ITPR2: variants seen among roughly 807,000 people sequenced by gnomAD.
The protein encoded by ITPR2 is inositol 1,4,5-trisphosphate receptor type 2.
In ITPR2, 207 loss-of-function variants were observed where a neutral mutation model predicts 317.1. That is an observed-to-expected ratio of 0.65 (90% CI 0.58 to 0.73). ITPR2 has a LOEUF of 0.73. ITPR2 is among the 30% of genes least tolerant of loss of function. The pLI is 0.00. For missense variants in ITPR2, 2,613 were observed against 3,284.0 expected, an observed-to-expected ratio of 0.80 and a Z score of 4.99; for synonymous variants, 1,156 against 1,149.1, an observed-to-expected ratio of 1.01 and a Z score of -0.12.
intron 52 of ITPR2, among the ~76,000 whole-genome samples, chr12:26,405,391 AAAC>A (rs1418179103): frequency 1.3e-5 from 2 of 152,330 alleles, no homozygotes; most frequent in Middle Eastern, 3.4e-3. Context: ...TTAAAACAAT[AAAC>A]AAATTCTAAT....
chr12:26,391,552 TTTCC>T (rs1565501181), intron 54 of ITPR2, among the ~76,000 whole-genome samples: 31 of 63,544 alleles, frequency 4.9e-4, no homozygotes, highest in Non-Finnish European at 7.7e-4. Flanking sequence ...TTCTTCTTCT[TTTCC>T]TTTTTTTTTT....
intron 45 of ITPR2, among the ~76,000 whole-genome samples, chr12:26,470,587 A>G (rs2136808979): frequency 6.6e-6 from 1 of 152,350 alleles, no homozygotes; most frequent in East Asian, 1.9e-4. Flanking sequence ...CAAAAGATAT[A>G]AATCAAAATG....
chr12:26,671,146 C>A (rs951212691), intron 13 of ITPR2, among the ~76,000 whole-genome samples: 2 of 152,148 alleles, frequency 1.3e-5, no homozygotes, highest in Non-Finnish European at 2.9e-5. Context: ...TCCAGGAGAA[C>A]TTCCCCAATC....
intron 45 of ITPR2, among the ~76,000 whole-genome samples, chr12:26,469,901 A>T (rs1191442630): frequency 6.6e-6 from 1 of 152,166 alleles, no homozygotes; most frequent in Non-Finnish European, 1.5e-5. Flanking sequence ...AAGTTAGGAG[A>T]TTCCACATTT....
At chr12:26,643,971 T>C (rs936705313) in intron 21 of ITPR2, among the ~76,000 whole-genome samples, 1 of 152,196 alleles carries the variant, frequency 6.6e-6, no homozygotes, top group African/African-American at 2.4e-5. Flanking sequence ...AAGAGTTTAC[T>C]AGGGATCAGG....
intron 37 of ITPR2, among the ~76,000 whole-genome samples, chr12:26,544,058 C>T (rs755766494): frequency 1.1e-4 from 17 of 152,044 alleles, no homozygotes; most frequent in Non-Finnish European, 2.5e-4. Context: ...GTAATTTTCC[C>T]CTTAAAGACT....
intron 13 of ITPR2, among the ~76,000 whole-genome samples, chr12:26,676,755 T>C: frequency 6.6e-6 from 1 of 150,800 alleles, no homozygotes; most frequent in East Asian, 1.9e-4. Flanking sequence ...TGAAATAAGA[T>C]TAAAAAAATA....
intron 34 of ITPR2, among the ~76,000 whole-genome samples, chr12:26,564,845 C>G (rs1037416265): frequency 7.2e-5 from 11 of 152,158 alleles, no homozygotes; most frequent in Admixed American, 3.9e-4. Context: ...TTGTGAGACA[C>G]TAAAATTTCT....
intron 37 of ITPR2, among the ~76,000 whole-genome samples, chr12:26,544,746 A>C (rs1431136812): frequency 1.3e-5 from 2 of 151,750 alleles, no homozygotes; most frequent in African/African-American, 4.8e-5. Context: ...CGTGTGAAAA[A>C]CCCTGGTTTG....
At chr12:26,811,860 A>G (rs1480224542) in intron 1 of ITPR2, among the ~76,000 whole-genome samples, 1 of 147,268 alleles carries the variant, frequency 6.8e-6, no homozygotes, top group South Asian at 2.2e-4. Context: ...TCTGAAAAAA[A>G]AAAAAAAAAA....
chr12:26,825,818 C>T (rs182831451), intron 1 of ITPR2, among the ~76,000 whole-genome samples: 2 of 152,330 alleles, frequency 1.3e-5, no homozygotes, highest in Admixed American at 1.3e-4. Context: ...TCCACAACAT[C>T]ACACTTCTAA....
At chr12:26,393,486 G>A (rs941543748) in intron 54 of ITPR2, among the ~76,000 whole-genome samples, 11 of 152,166 alleles carry the variant, frequency 7.2e-5, no homozygotes. Context: ...GAAGGGAGCA[G>A]AAAATGTATA....
intron 45 of ITPR2, among the ~76,000 whole-genome samples, chr12:26,455,660 T>C (rs1028307212): frequency 2.0e-5 from 3 of 151,978 alleles, no homozygotes; most frequent in African/African-American, 7.3e-5. Context: ...AGAGAGGGCA[T>C]GAAAAGTAAG....
chr12:26,649,816 GATA>G (rs1947203148), intron 21 of ITPR2, among the ~76,000 whole-genome samples: 1 of 149,014 alleles, frequency 6.7e-6, no homozygotes, highest in South Asian at 2.1e-4. Flanking sequence ...TAGATAGATA[GATA>G]GATAGACAGA....
chr12:26,726,302 C>G (rs1948921538), intron 2 of ITPR2, among the ~76,000 whole-genome samples: 2 of 152,094 alleles, frequency 1.3e-5, no homozygotes, highest in South Asian at 4.1e-4. Context: ...TAAAGCAAAA[C>G]AAAACACCTA....
chr12:26,769,111 A>AT (rs1449078338), intron 2 of ITPR2, among the ~76,000 whole-genome samples: 1 of 152,078 alleles, frequency 6.6e-6, no homozygotes, highest in Non-Finnish European at 1.5e-5. Flanking sequence ...ATTTTCAGGC[A>AT]TAAGTCTCTC....
Position 26,421,019 on chromosome 12 carries a change from G to A in ITPR2, c.6946-1806C>T, listed in dbSNP as rs550572357. On this transcript the variant is annotated intron_variant, in intron 49 of 56. Transcript: ENST00000381340. Reference sequence around the variant, plus strand: ...TGGAGTCGTGAGTTTTCAGAAAGACGAATGATATGTTTAAGACACATTGTT... The same window carrying A: ...TGGAGTCGTGAGTTTTCAGAAAGACAAATGATATGTTTAAGACACATTGTT... Among the ~76,000 whole-genome samples, 55 of 152,066 alleles carry A rather than the reference G, an allele frequency of 3.6e-4. 1 individual carries two copies. Among genetic ancestry groups the A allele is most frequent in the African/African-American group, 1.3e-3 (52 of 41,502 alleles).
chr12:26,578,912 A>C (rs1945334005), intron 33 of ITPR2, 79 bp from the exon 34 acceptor site: 1 of 1,358,402 alleles, frequency 7.4e-7, no homozygotes, highest in Middle Eastern at 1.9e-4. Flanking sequence ...CATTCTCAGA[A>C]AGGTTCATCA....
chr12:26,635,818 C>G (rs1204897490), intron 21 of ITPR2, among the ~76,000 whole-genome samples: 1 of 152,182 alleles, frequency 6.6e-6, no homozygotes, highest in Non-Finnish European at 1.5e-5. Context: ...CAAACATTCC[C>G]TGGAGCAGTA....
Sources: gnomAD v4.1 joint callset for allele counts (sites outside exome capture counted in the v4.1 genomes callset) on GRCh38, gnomAD v4.1.1 for gene constraint, MANE v1.5 for transcripts, NCBI Gene and HGNC (gene_info 2026-07-23, HGNC 2026-07-21) for gene names.